The following PCDH11X variants were observed in gnomAD, a reference collection of about 807,000 sequenced individuals.
The protein encoded by PCDH11X is protocadherin 11 X-linked, also known as protocadherin-11 X-linked.
A neutral mutation model predicts 53.3 loss-of-function variants in PCDH11X; 18 were observed. The ratio of observed to expected loss-of-function variants is 0.34; its 90% CI spans 0.23 to 0.50. PCDH11X has a LOEUF of 0.50. Among genes scored for constraint, PCDH11X ranks in the 20% least tolerant of loss-of-function variants. The pLI is 0.98. For missense variants in PCDH11X, 570 were observed against 1,032.4 expected, an observed-to-expected ratio of 0.55 and a Z score of 6.14; for synonymous variants, 279 against 393.3, an observed-to-expected ratio of 0.71 and a Z score of 3.44.
At chrX:92,170,140 A>C (rs1290790867) in intron 6 of PCDH11X, among the ~76,000 whole-genome samples, 2 of 111,304 alleles carry the variant, frequency 1.8e-5, no homozygotes, top group Non-Finnish European at 1.9e-5. Flanking sequence ...TAAGCCTACA[A>C]ACCCCCTCAA....
chrX:92,612,055 T>G, intron 10 of PCDH11X, among the ~76,000 whole-genome samples: 1 of 109,672 alleles, frequency 9.1e-6, no homozygotes, highest in African/African-American at 3.3e-5. Flanking sequence ...AATTTTCATT[T>G]TTTGTTGTGT....
chrX:92,273,363 T>C (rs970411701), intron 8 of PCDH11X, among the ~76,000 whole-genome samples: 5 of 110,834 alleles, frequency 4.5e-5, no homozygotes, highest in African/African-American at 9.9e-5. Flanking sequence ...TAAGGTGGGG[T>C]AGGAACAAAT....
intron 6 of PCDH11X, among the ~76,000 whole-genome samples, chrX:92,117,019 C>T (rs906583202): frequency 9.2e-6 from 1 of 109,211 alleles, no homozygotes; most frequent in African/African-American, 3.4e-5. Flanking sequence ...GCCTCTTTTG[C>T]AATATGAACC....
chrX:92,594,594 C>T (rs761569432), intron 10 of PCDH11X, among the ~76,000 whole-genome samples: 101 of 108,689 alleles, frequency 9.3e-4, no homozygotes, highest in Non-Finnish European at 1.9e-3. Context: ...TTTTTTCAGC[C>T]ACAGTTGTTT....
chrX:92,214,789 C>A (rs760458517), intron 7 of PCDH11X, among the ~76,000 whole-genome samples: 25 of 111,668 alleles, frequency 2.2e-4, no homozygotes, highest in Non-Finnish European at 4.3e-4. Context: ...TGAATCACAC[C>A]TGTAATCTCA....
intron 6 of PCDH11X, among the ~76,000 whole-genome samples, chrX:92,155,617 CTTTTTTTTTTT>C (rs775178966): frequency 8.5e-4 from 68 of 79,723 alleles, no homozygotes; most frequent in Non-Finnish European, 1.3e-3. Context: ...ACTTCAATAG[CTTTTTTTTTTT>C]TTTTTTTTTT....
At chrX:92,247,821 G>A (rs1176568480) in intron 7 of PCDH11X, among the ~76,000 whole-genome samples, 1 of 111,632 alleles carries the variant, frequency 9.0e-6, no homozygotes, top group East Asian at 2.8e-4. Flanking sequence ...TTCCAAATAA[G>A]GCCACACTTT....
At chrX:92,483,809 ATT>A (rs924368349) in intron 10 of PCDH11X, among the ~76,000 whole-genome samples, 1 of 109,720 alleles carries the variant, frequency 9.1e-6, no homozygotes, top group African/African-American at 3.3e-5. Context: ...AACAAATAAT[ATT>A]GTTTATTTTA....
intron 10 of PCDH11X, among the ~76,000 whole-genome samples, chrX:92,482,734 C>T (rs1165759114): frequency 9.3e-6 from 1 of 107,879 alleles, no homozygotes; most frequent in African/African-American, 3.4e-5. Flanking sequence ...GTATATAAAT[C>T]TATGGTTATA....
At chrX:92,421,234 T>C (rs1271037451) in intron 9 of PCDH11X, among the ~76,000 whole-genome samples, 8 of 112,046 alleles carry the variant, frequency 7.1e-5, no homozygotes, top group African/African-American at 2.6e-4. Context: ...TAGTATCCAA[T>C]AGGTAGTTTT....
intron 9 of PCDH11X, among the ~76,000 whole-genome samples, chrX:92,434,590 G>A (rs992870741): frequency 1.2e-4 from 13 of 108,683 alleles, no homozygotes; most frequent in African/African-American, 3.4e-4. Flanking sequence ...CACCTAGGTC[G>A]GAGTGCAGTA....
chrX:92,510,546 A>G (rs12013332), intron 10 of PCDH11X, among the ~76,000 whole-genome samples: 5,078 of 102,977 alleles, frequency 0.049, 347 homozygotes, highest in African/African-American at 0.17. Flanking sequence ...ATTACTGTCA[A>G]TTTTCAAGGC....
intron 6 of PCDH11X, among the ~76,000 whole-genome samples, chrX:92,122,276 C>G (rs1208268709): frequency 1.8e-5 from 2 of 110,944 alleles, no homozygotes; most frequent in Non-Finnish European, 3.8e-5. Context: ...GTCACTGTGC[C>G]CAGCCGCAGT....
In PCDH11X at chrX:92,477,878, TG is replaced by T. The variant is rs757896980; in HGVS notation, c.3367+9557del. Among the ~76,000 whole-genome samples, 4 of 105,489 alleles carry T rather than the reference TG, an allele frequency of 3.8e-5. No individual in the cohort carries two copies. In the South Asian group the frequency reaches 1.8e-3, roughly 48 times the overall value. The allele number at this position is 105,489 out of a possible 115,157, so 91.6% of individuals were successfully genotyped here. On this transcript the variant is annotated intron_variant, in intron 10 of 10. Transcript: ENST00000682573. ...TATTTGGAACTTTTCCCTTTTTTTC[TG>T]TATGAGTGTACCTAGAAATCTGATA...
chrX:92,584,382 A>C (rs1336624594), intron 10 of PCDH11X, among the ~76,000 whole-genome samples: 3 of 111,872 alleles, frequency 2.7e-5, no homozygotes, highest in Non-Finnish European at 3.8e-5. Flanking sequence ...CTGATCAAAA[A>C]ATATATGAAA....
At chrX:92,356,865 A>G (rs1318754140) in intron 8 of PCDH11X, among the ~76,000 whole-genome samples, 1 of 109,634 alleles carries the variant, frequency 9.1e-6, no homozygotes, top group Non-Finnish European at 1.9e-5. Context: ...GCTATTTTCC[A>G]GAGATGGGCC....
intron 6 of PCDH11X, chrX:91,883,819 G>A (rs1391421946): frequency 2.7e-5 from 20 of 744,998 alleles, no homozygotes; most frequent in Admixed American, 9.1e-5. Context: ...AGAAAAAAAT[G>A]TTCAATGATA....
At chrX:92,548,167 T>C (rs1431135643) in intron 10 of PCDH11X, among the ~76,000 whole-genome samples, 2 of 110,112 alleles carry the variant, frequency 1.8e-5, no homozygotes, top group Non-Finnish European at 3.8e-5. Flanking sequence ...TTTCTTTTTC[T>C]AAGTTTTGTT....
intron 6 of PCDH11X, among the ~76,000 whole-genome samples, chrX:91,937,469 A>G (rs1465358665): frequency 5.4e-5 from 6 of 111,607 alleles, no homozygotes; most frequent in African/African-American, 1.9e-4. Context: ...TAGATGCAAC[A>G]AAATGTAGAC....
Sources: gnomAD v4.1 joint callset for allele counts (sites outside exome capture counted in the v4.1 genomes callset) on GRCh38, gnomAD v4.1.1 for gene constraint, MANE v1.5 for transcripts, NCBI Gene and HGNC (gene_info 2026-07-23, HGNC 2026-07-21) for gene names.